ROBO1: variants seen among roughly 807,000 people sequenced by gnomAD.
ROBO1 encodes the protein roundabout guidance receptor 1.
A neutral mutation model predicts 195.9 loss-of-function variants in ROBO1; 149 were observed. That is an observed-to-expected ratio of 0.76 (90% CI 0.67 to 0.87). The LOEUF is 0.87. Among genes scored for constraint, ROBO1 ranks in the 40% least tolerant of loss-of-function variants. The probability of loss-of-function intolerance (pLI) is 0.00; values close to 1 mark genes in which losing one functional copy is unlikely to be tolerated. For missense variants in ROBO1, 1,933 were observed against 2,068.3 expected (o/e 0.93, Z 1.27); for synonymous variants, 816 against 733.2 (o/e 1.11, Z -1.82).
chr3:78,664,392 G>C (rs1277318388), intron 14 of ROBO1, among the ~76,000 whole-genome samples: 1 of 152,052 alleles, frequency 6.6e-6, no homozygotes, highest in East Asian at 1.9e-4. Flanking sequence ...TAAAACTAGG[G>C]CTCAAGAATG....
chr3:78,658,878 A>G (rs1328147351), intron 17 of ROBO1, among the ~76,000 whole-genome samples: 3 of 152,084 alleles, frequency 2.0e-5, no homozygotes, highest in Non-Finnish European at 4.4e-5. Context: ...AAAGCCACAA[A>G]CTGATTTTGT....
At chr3:78,745,341 C>T (rs1174520391) in intron 5 of ROBO1, among the ~76,000 whole-genome samples, 1 of 147,786 alleles carries the variant, frequency 6.8e-6, no homozygotes, top group African/African-American at 2.5e-5. Flanking sequence ...TTGTCACTAA[C>T]TTATATTAAA....
chr3:78,638,001 G>T (rs1705636698), intron 22 of ROBO1, among the ~76,000 whole-genome samples: 1 of 150,188 alleles, frequency 6.7e-6, no homozygotes, highest in Non-Finnish European at 1.5e-5. Flanking sequence ...GGGAGGGGTT[G>T]TTTGGTAAGA....
chr3:79,592,115 C>T (rs1178963535), intron 1 of ROBO1, among the ~76,000 whole-genome samples: 2 of 151,774 alleles, frequency 1.3e-5, no homozygotes, highest in African/African-American at 2.4e-5. Context: ...GTATCTGTGG[C>T]TAATTACATT....
At chr3:79,617,639 TC>T (rs1314253521) in intron 1 of ROBO1, among the ~76,000 whole-genome samples, 2 of 151,860 alleles carry the variant, frequency 1.3e-5, no homozygotes, top group African/African-American at 4.8e-5. Flanking sequence ...GAGTAAGAAC[TC>T]TTACAGTACA....
intron 2 of ROBO1, among the ~76,000 whole-genome samples, chr3:79,384,562 T>G (rs1242728303): frequency 6.6e-6 from 1 of 151,956 alleles, no homozygotes; most frequent in Non-Finnish European, 1.5e-5. Flanking sequence ...CAGAGAAGTG[T>G]TTTAAAATTA....
chr3:79,688,862 T>C (rs1947214914), intron 1 of ROBO1, among the ~76,000 whole-genome samples: 1 of 152,030 alleles, frequency 6.6e-6, no homozygotes. Flanking sequence ...AAATAATTGT[T>C]GTAAGATACA....
chr3:78,670,142 C>T lies in ROBO1; in HGVS notation c.1502G>A (p.Arg501Gln), dbSNP rs751768195. Residue 501 changes from arginine (R) to glutamine (Q), a missense_variant, in exon 11 of 31, where the codon CGA becomes CAA. Arg to Gln is a conservative substitution (Grantham distance 43). Coordinates refer to ENST00000464233, the MANE Select transcript of ROBO1 (RefSeq NM_002941.4). ...TACTCCATTCTCCAACTGTTTGATTCGAGAGTCTTGGGTTGAAACGAGGAC... is the reference window on the plus strand; with the variant it reads ...TACTCCATTCTCCAACTGTTTGATTTGAGAGTCTTGGGTTGAAACGAGGAC... ...DGVLVSTQDSRIKQLENGVLQ... is the reference protein window; with the variant it reads ...DGVLVSTQDSQIKQLENGVLQ... The T allele has an allele frequency of 2.0e-5, 33 of 1,613,274 alleles. No individual in the cohort carries two copies. Among genetic ancestry groups the T allele is most frequent in the Admixed American group, 5.0e-5 (3 of 59,904 alleles).
Position 79,654,632 on chromosome 3 carries a change from A to C in ROBO1, c.-50-64671T>G, listed in dbSNP as rs78306846. On this transcript the variant is annotated intron_variant, in intron 1 of 30. Transcript: ENST00000464233. Reference sequence around the variant, plus strand: ...TTCTTTTAAAAGATGCATTTAATATAAAAATTTGCACATTTACACATTTTC... The same window carrying C: ...TTCTTTTAAAAGATGCATTTAATATCAAAATTTGCACATTTACACATTTTC... Among the ~76,000 whole-genome samples the C allele has an allele frequency of 1.6e-4, 24 of 152,142 alleles. 2 individuals are homozygous for C. In the East Asian group the frequency reaches 4.5e-3, roughly 28 times the overall value.
chr3:79,551,976 GAGT>G (rs1942529606), intron 2 of ROBO1, among the ~76,000 whole-genome samples: 14 of 58,822 alleles, frequency 2.4e-4, no homozygotes, highest in African/African-American at 8.7e-4. Context: ...TCTCTCTACA[GAGT>G]TAAAAAAAAA....
chr3:79,383,803 G>A (rs1166897824), intron 2 of ROBO1, among the ~76,000 whole-genome samples: 2 of 151,926 alleles, frequency 1.3e-5, no homozygotes, highest in Admixed American at 6.6e-5. Flanking sequence ...AATTGCCAGC[G>A]TAGATGTCTG....
intron 25 of ROBO1, among the ~76,000 whole-genome samples, chr3:78,630,458 AAGGAATGATGTCTTTAC>A (rs1705114383): frequency 6.6e-6 from 1 of 152,206 alleles, no homozygotes; most frequent in African/African-American, 2.4e-5. Context: ...GTGGAGAATG[AAGGAATGATGTCTTTAC>A]AGCAGTCACA....
At chr3:79,219,931 A>G (rs2082109525) in intron 2 of ROBO1, among the ~76,000 whole-genome samples, 1 of 152,068 alleles carries the variant, frequency 6.6e-6, no homozygotes, top group Non-Finnish European at 1.5e-5. Context: ...AATGTAAGCC[A>G]TATCTCTAAA....
At chr3:79,041,102 C>T (rs1367854274) in intron 3 of ROBO1, among the ~76,000 whole-genome samples, 1 of 152,124 alleles carries the variant, frequency 6.6e-6, no homozygotes, top group Non-Finnish European at 1.5e-5. Flanking sequence ...GTAGAAGACA[C>T]CAAATTAAAT....
chr3:79,594,948 T>G (rs1576086411), intron 1 of ROBO1, among the ~76,000 whole-genome samples: 1 of 152,000 alleles, frequency 6.6e-6, no homozygotes, highest in East Asian at 1.9e-4. Flanking sequence ...TGAACTTTAT[T>G]GAAAGGTAAT....
At chr3:79,518,366 A>G (rs1559959192) in intron 2 of ROBO1, among the ~76,000 whole-genome samples, 1 of 152,122 alleles carries the variant, frequency 6.6e-6, no homozygotes, top group Non-Finnish European at 1.5e-5. Flanking sequence ...CTTATCTACA[A>G]CAGGAAATAG....
chr3:78,623,198 T>G (rs1300509467), intron 26 of ROBO1, among the ~76,000 whole-genome samples: 1 of 152,130 alleles, frequency 6.6e-6, no homozygotes, highest in Non-Finnish European at 1.5e-5. Flanking sequence ...ACAGAGGATA[T>G]ATAGAGTGTT....
intron 2 of ROBO1, among the ~76,000 whole-genome samples, chr3:79,418,444 C>T (rs1008819327): frequency 6.6e-6 from 1 of 151,958 alleles, no homozygotes; most frequent in Non-Finnish European, 1.5e-5. Context: ...TATTGTGTCC[C>T]TAATGCCATG....
intron 2 of ROBO1, among the ~76,000 whole-genome samples, chr3:79,560,388 TG>T (rs1337500910): frequency 2.4e-5 from 1 of 41,210 alleles, no homozygotes; most frequent in Non-Finnish European, 4.1e-5. Flanking sequence ...TGTTGTGGGG[TG>T]GGGGGAGGGG....
Sources: allele counts gnomAD v4.1 joint callset (sites outside exome capture counted in the v4.1 genomes callset), GRCh38; gene constraint gnomAD v4.1.1; transcripts MANE v1.5; gene names NCBI Gene and HGNC (gene_info 2026-07-23, HGNC 2026-07-21).